Variants in PTPN12 observed in about 807,000 individuals in gnomAD.
PTPN12 encodes the protein protein tyrosine phosphatase non-receptor type 12, also known as tyrosine-protein phosphatase non-receptor type 12.
In PTPN12, 29 loss-of-function variants were observed where a neutral mutation model predicts 97.6. That is an observed-to-expected ratio of 0.30 (90% confidence interval 0.22 to 0.41). The LOEUF is 0.41. Among genes scored for constraint, PTPN12 ranks in the 10% least tolerant of loss-of-function variants. The pLI is 1.00. For missense variants in PTPN12, 819 were observed against 926.0 expected (o/e 0.88, Z 1.50); for synonymous variants, 327 against 300.4 (o/e 1.09, Z -0.91).
intron 8 of PTPN12, 84 bp downstream of exon 8, chr7:77,600,890 T>A: frequency 8.5e-7 from 1 of 1,178,634 alleles, no homozygotes; most frequent in East Asian, 2.4e-5. Context: ...AATATGTTAG[T>A]AATCTTGAAT....
At chr7:77,570,614 G>A (rs1283268775) in intron 1 of PTPN12, among the ~76,000 whole-genome samples, 2 of 152,238 alleles carry the variant, frequency 1.3e-5, no homozygotes, top group African/African-American at 4.8e-5. Context: ...CAATATGAAA[G>A]AACTTTGTTT....
At chr7:77,588,806 T>G (rs957936940) in intron 5 of PTPN12, among the ~76,000 whole-genome samples, 4 of 152,158 alleles carry the variant, frequency 2.6e-5, no homozygotes, top group African/African-American at 9.6e-5. Context: ...GGAATAAAAT[T>G]GAACAAGTGG....
rs778140880 is a variant in PTPN12 at position 77,618,507 on chromosome 7, A to G, written c.967A>G (p.Ser323Gly). 4 of 1,605,300 alleles carry G rather than the reference A, an allele frequency of 2.5e-6. No homozygotes were observed. In the Admixed American group the frequency reaches 6.7e-5, roughly 27 times the overall value. Residue 323 changes from serine to glycine, a missense_variant, in exon 12 of 18, where the codon AGC becomes GGC. Physicochemically the swap from Ser to Gly is moderately conservative, Grantham distance 56. Transcript: ENST00000248594. ...TGAAATTAACACTGAAAACATGGTC[A>G]GCTCCATAGAGCCTGAAAAACAAGA... The part of the protein sequence containing the change: ...VNEINTENMV[S>G]SIEPEKQDSP...
chr7:77,622,560 G>T (rs968428767), intron 12 of PTPN12, among the ~76,000 whole-genome samples: 11 of 152,072 alleles, frequency 7.2e-5, no homozygotes, highest in African/African-American at 2.4e-4. Flanking sequence ...ACAAGGTCAG[G>T]AGTTTGAGAC....
chr7:77,630,876 T>G (rs952812666), intron 13 of PTPN12, among the ~76,000 whole-genome samples: 2 of 152,158 alleles, frequency 1.3e-5, no homozygotes, highest in African/African-American at 4.8e-5. Context: ...CAAAAGTTTT[T>G]AACAGGAAAG....
At chr7:77,560,792 T>G (rs571549677) in intron 1 of PTPN12, among the ~76,000 whole-genome samples, 1 of 152,344 alleles carries the variant, frequency 6.6e-6, no homozygotes, top group South Asian at 2.1e-4. Context: ...GTTTATCTAT[T>G]TGCCCATAGC....
At chr7:77,630,561 A>G (rs1789364435) in intron 13 of PTPN12, among the ~76,000 whole-genome samples, 1 of 152,260 alleles carries the variant, frequency 6.6e-6, no homozygotes, top group Non-Finnish European at 1.5e-5. Flanking sequence ...ATCTAAACAT[A>G]GAAAAGGTAC....
At chr7:77,561,786 T>A (rs949286750) in intron 1 of PTPN12, among the ~76,000 whole-genome samples, 1 of 150,712 alleles carries the variant, frequency 6.6e-6, no homozygotes, top group Non-Finnish European at 1.5e-5. Flanking sequence ...TTAATTAATT[T>A]TATTTATTTA....
At chr7:77,609,696 C>G (rs369545408) in intron 9 of PTPN12, among the ~76,000 whole-genome samples, 1 of 151,378 alleles carries the variant, frequency 6.6e-6, no homozygotes, top group Non-Finnish European at 1.5e-5. Flanking sequence ...CTGGCTAACA[C>G]GGTGAAACCC....
In PTPN12 at chr7:77,627,366, A is replaced by G. The variant is rs1789233529; in HGVS notation, c.1687A>G (p.Arg563Gly). 6.2e-7 allele frequency: 1 copy of G among 1,614,094 alleles called. No homozygotes were observed. The highest frequency in any genetic ancestry group is 8.5e-7 in the Non-Finnish European group (1 of 1,179,944). Residue 563 changes from arginine to glycine, a missense_variant, in exon 13 of 18, where the codon AGG (arginine) becomes GGG (glycine). Arg to Gly is a moderately radical substitution (Grantham distance 125). This residue lies in a region of PTPN12 where 607 missense variants were observed against 577.3 expected (regional missense o/e 1.05). Coordinates refer to ENST00000248594, the MANE Select transcript of PTPN12 (RefSeq NM_002835.4). ...GNSSDINYQT[R>G]KTVSLTPSPT... Reference sequence around the variant, plus strand: ...TTCCTCAGATATCAACTATCAAACTAGGAAAACTGTGAGTTTAACACCAAG... The same window carrying G: ...TTCCTCAGATATCAACTATCAAACTGGGAAAACTGTGAGTTTAACACCAAG...
intron 12 of PTPN12, among the ~76,000 whole-genome samples, chr7:77,625,491 C>CTCTCTT (rs1562758727): frequency 6.9e-5 from 7 of 101,638 alleles, no homozygotes; most frequent in Non-Finnish European, 1.4e-4. Flanking sequence ...CTCTCTCTCT[C>CTCTCTT]TCTCTCTCTC....
At chr7:77,574,235 A>G (rs1787261584) in intron 2 of PTPN12, among the ~76,000 whole-genome samples, 2 of 152,154 alleles carry the variant, frequency 1.3e-5, no homozygotes, top group Admixed American at 1.3e-4. Context: ...TAGAAGGGTA[A>G]GTTTACAGTT....
At chr7:77,546,772 C>G (rs562565577) in intron 1 of PTPN12, among the ~76,000 whole-genome samples, 1 of 151,922 alleles carries the variant, frequency 6.6e-6, no homozygotes, top group African/African-American at 2.4e-5. Flanking sequence ...AGGAAACTTA[C>G]GATTGTGGTG....
chr7:77,558,326 G>T (rs1177073104), intron 1 of PTPN12, among the ~76,000 whole-genome samples: 1 of 152,110 alleles, frequency 6.6e-6, no homozygotes, highest in Admixed American at 6.5e-5. Flanking sequence ...GCCTGTTTTG[G>T]AAGGCAGTTT....
At chr7:77,551,075 T>G (rs1406681513) in intron 1 of PTPN12, among the ~76,000 whole-genome samples, 1 of 152,170 alleles carries the variant, frequency 6.6e-6, no homozygotes, top group Non-Finnish European at 1.5e-5. Flanking sequence ...TTCATTTTGT[T>G]TTTGAGATGG....
intron 2 of PTPN12, among the ~76,000 whole-genome samples, chr7:77,573,743 C>T (rs1639550106): frequency 6.6e-6 from 1 of 152,168 alleles, no homozygotes; most frequent in African/African-American, 2.4e-5. Context: ...GTAGGTTTCT[C>T]TTTTCATATG....
chr7:77,556,146 C>T (rs140647432), intron 1 of PTPN12, among the ~76,000 whole-genome samples: 2,285 of 152,100 alleles, frequency 0.015, 59 homozygotes, highest in African/African-American at 0.052. Context: ...CTGCAACCTC[C>T]GCCTCCTGGG....
At position 77,537,359 on chromosome 7, in the gene PTPN12, G is replaced by T. The variant is rs1806701370; in HGVS notation, c.-188G>T. 1 of 732,502 alleles carries T rather than the reference G, an allele frequency of 1.4e-6. No homozygotes were observed. The highest frequency in any genetic ancestry group is 2.0e-6 in the Non-Finnish European group (1 of 495,990). The allele number at this position is 732,502 out of a possible 1,614,324, so 45.4% of individuals were successfully genotyped here. ...GGCTGCTCCTGGAAGTTGTGGTGTC[G>T]GGAGCCCAGCCGGTGCCGCCGCAGC... is the stretch of plus-strand genomic sequence containing the variant. On this transcript the variant is annotated 5_prime_UTR_variant, in exon 1 of 18. Transcript: ENST00000248594.
intron 1 of PTPN12, 122 bp from the exon 2 acceptor site, chr7:77,570,956 G>A: frequency 1.8e-6 from 1 of 567,092 alleles, no homozygotes; most frequent in Non-Finnish European, 3.0e-6. Flanking sequence ...TAAGGGATGG[G>A]GAAATTAAGA....
Sources: gnomAD v4.1 joint callset for allele counts (sites outside exome capture counted in the v4.1 genomes callset) on GRCh38, gnomAD v4.1.1 for gene constraint, gnomAD v4.1.1 regional missense constraint, MANE v1.5 for transcripts, NCBI Gene and HGNC (gene_info 2026-07-23, HGNC 2026-07-21) for gene names.